Variants in ME3 observed in about 807,000 individuals in gnomAD.
The protein encoded by ME3 is NADP-dependent malic enzyme, mitochondrial.
ME3 carries 48 observed loss-of-function variants against 68.9 expected under a neutral mutation model. That is an observed-to-expected ratio of 0.70 (90% CI 0.55 to 0.89). ME3 has a LOEUF of 0.89. Ranked by LOEUF, ME3 falls within the 40% of genes least tolerant of loss-of-function variation. ME3 has a pLI of 0.00. For missense variants in ME3, 675 were observed against 797.4 expected, an observed-to-expected ratio of 0.85 and a Z score of 1.85; for synonymous variants, 320 against 318.8, an observed-to-expected ratio of 1.00 and a Z score of -0.04.
intron 7 of ME3, among the ~76,000 whole-genome samples, chr11:86,475,899 A>AGG (rs1951056004): frequency 6.7e-6 from 1 of 149,248 alleles, no homozygotes; most frequent in Non-Finnish European, 1.5e-5. Flanking sequence ...AGAGAGAGAG[A>AGG]GAAAGAGAAA....
intron 2 of ME3, among the ~76,000 whole-genome samples, chr11:86,588,218 C>G (rs1290656409): frequency 6.6e-6 from 1 of 152,196 alleles, no homozygotes; most frequent in African/African-American, 2.4e-5. Context: ...TTGGCAGTAT[C>G]ATAGTGTAGA....
intron 4 of ME3, among the ~76,000 whole-genome samples, chr11:86,527,473 T>C (rs1258477431): frequency 2.0e-5 from 3 of 152,130 alleles, no homozygotes; most frequent in African/African-American, 7.2e-5. Flanking sequence ...TTCCCCAATC[T>C]AGTCAGGAAG....
intron 13 of ME3, among the ~76,000 whole-genome samples, chr11:86,443,862 T>C (rs1949140828): frequency 6.6e-6 from 1 of 152,238 alleles, no homozygotes; most frequent in South Asian, 2.1e-4. Flanking sequence ...GTCTGTCTCC[T>C]AATTTCAGAC....
chr11:86,445,622 A>C (rs1215547631), intron 13 of ME3, among the ~76,000 whole-genome samples: 1 of 152,242 alleles, frequency 6.6e-6, no homozygotes, highest in African/African-American at 2.4e-5. Flanking sequence ...ATAAATGTCA[A>C]GTGCCTGGCA....
chr11:86,455,713 A>T (rs1053145916), intron 8 of ME3, among the ~76,000 whole-genome samples: 6 of 152,164 alleles, frequency 3.9e-5, no homozygotes, highest in Non-Finnish European at 7.3e-5. Flanking sequence ...GATCAGCAAG[A>T]CATTCCTTGC....
chr11:86,652,703 C>A (rs1198376611), intron 2 of ME3, among the ~76,000 whole-genome samples: 1 of 151,550 alleles, frequency 6.6e-6, no homozygotes, highest in Non-Finnish European at 1.5e-5. Context: ...GCAAAATCAC[C>A]AGCTAACATC....
intron 2 of ME3, among the ~76,000 whole-genome samples, chr11:86,585,041 C>T (rs931127633): frequency 2.6e-5 from 4 of 152,020 alleles, no homozygotes; most frequent in Non-Finnish European, 5.9e-5. Context: ...TGGTGGTGCT[C>T]GGGGTAGGGG....
At chr11:86,598,421 TCG>T (rs1959944631) in intron 2 of ME3, among the ~76,000 whole-genome samples, 1 of 152,166 alleles carries the variant, frequency 6.6e-6, no homozygotes, top group African/African-American at 2.4e-5. Flanking sequence ...TTGCCCAGAC[TCG>T]CTTAGGTAAA....
intron 2 of ME3, among the ~76,000 whole-genome samples, chr11:86,605,548 G>A (rs1961504825): frequency 6.6e-6 from 1 of 152,140 alleles, no homozygotes; most frequent in African/African-American, 2.4e-5. Context: ...GCTATCTCAT[G>A]TATTCAGAGT....
At position 86,503,886 on chromosome 11, in the gene ME3, G is replaced by A. The variant is rs116687876; in HGVS notation, c.543+4906C>T. Among the ~76,000 whole-genome samples, 844 of 152,262 alleles carry A rather than the reference G, an allele frequency of 5.5e-3. 7 individuals are homozygous for A. The highest frequency in any genetic ancestry group is 0.019 in the African/African-American group (807 of 41,528). On this transcript the variant is annotated intron_variant, in intron 5 of 14. Transcript: ENST00000543262. The stretch of plus-strand genomic sequence containing the variant: ...TTAGGGAGGAGGCTATTCTCAGCTG[G>A]ACCTTCCTATAGGCTCCAGGCAATG...
intron 4 of ME3, among the ~76,000 whole-genome samples, chr11:86,548,138 A>G (rs2139395694): frequency 6.6e-6 from 1 of 152,312 alleles, no homozygotes; most frequent in East Asian, 1.9e-4. Context: ...CTCCTTCTGG[A>G]TGCTAAAGTC....
intron 4 of ME3, among the ~76,000 whole-genome samples, chr11:86,526,440 G>C (rs10898493): frequency 0.4 from 60,563 of 152,126 alleles, 12,258 homozygotes; most frequent in South Asian, 0.51. Context: ...CCACCTCTCG[G>C]GGCAGGGCAA....
chr11:86,449,541 A>C (rs986011203), intron 10 of ME3, among the ~76,000 whole-genome samples: 1 of 152,236 alleles, frequency 6.6e-6, no homozygotes, highest in Admixed American at 6.5e-5. Context: ...TGGCATGTGG[A>C]AAAACAGAGG....
At chr11:86,556,285 T>C (rs1045719571) in intron 4 of ME3, among the ~76,000 whole-genome samples, 2 of 152,200 alleles carry the variant, frequency 1.3e-5, no homozygotes, top group Non-Finnish European at 2.9e-5. Context: ...ACCTGAACTC[T>C]CTCTCAGGCC....
chr11:86,560,881 C>G (rs1228196089), intron 2 of ME3, among the ~76,000 whole-genome samples: 1 of 151,074 alleles, frequency 6.6e-6, no homozygotes, highest in African/African-American at 2.4e-5. Flanking sequence ...ACAGCCTTGA[C>G]AGTTTGGAGG....
intron 5 of ME3, among the ~76,000 whole-genome samples, chr11:86,504,835 C>T (rs150586113): frequency 0.012 from 1,831 of 151,618 alleles, 48 homozygotes; most frequent in African/African-American, 0.042. Flanking sequence ...GGACTACAGG[C>T]GCCTGCCACC....
chr11:86,568,316 T>C (rs1957598222), intron 2 of ME3, among the ~76,000 whole-genome samples: 1 of 152,182 alleles, frequency 6.6e-6, no homozygotes, highest in African/African-American at 2.4e-5. Flanking sequence ...AGGGAACCTT[T>C]GGATCTCCTC....
intron 5 of ME3, 63 bp from the exon 6 acceptor site, chr11:86,498,187 A>C: frequency 6.5e-7 from 1 of 1,540,746 alleles, no homozygotes; most frequent in East Asian, 2.3e-5. Context: ...TGCTCATTTT[A>C]GCAGCCCCAG....
rs11234683 is a variant in ME3 at position 86,534,081 on chromosome 11, G to A, written c.467+22472C>T. ...GTAAAAATGAGGTGTGTGTGTGTGT[G>A]TATATATATATATATATATATATAT... On this transcript the variant is annotated intron_variant, in intron 4 of 14. Transcript: ENST00000543262. Among the ~76,000 whole-genome samples the A allele has an allele frequency of 6.3e-3, 806 of 127,390 alleles. 4 individuals are homozygous for A. The highest frequency in any genetic ancestry group is 0.022 in the African/African-American group (681 of 31,114). The allele number at this position is 127,390 out of a possible 152,430, so 83.6% of individuals were successfully genotyped here.
Sources: gnomAD v4.1 joint callset for allele counts (sites outside exome capture counted in the v4.1 genomes callset) on GRCh38, gnomAD v4.1.1 for gene constraint, MANE v1.5 for transcripts, NCBI Gene and HGNC (gene_info 2026-07-23, HGNC 2026-07-21) for gene names.